The following NRG1 variants were observed in gnomAD, a reference collection of about 807,000 sequenced individuals.
The protein encoded by NRG1 is neuregulin 1, also known as pro-neuregulin-1, membrane-bound isoform.
A neutral mutation model predicts 63.8 loss-of-function variants in NRG1; 18 were observed. That is an observed-to-expected ratio of 0.28 (90% CI 0.19 to 0.42). The LOEUF (loss-of-function observed/expected upper bound fraction) is 0.42. Ranked by LOEUF, NRG1 falls within the 10% of genes least tolerant of loss-of-function variation. The pLI, the probability that NRG1 is intolerant of heterozygous loss-of-function variation, is 1.00. For synonymous variants in NRG1, 302 were observed against 301.3 expected (o/e 1.00, Z -0.02); for missense variants, 762 against 814.7 (o/e 0.94, Z 0.79).
intron 1 of NRG1, among the ~76,000 whole-genome samples, chr8:31,700,979 T>C (rs1286504191): frequency 2.0e-5 from 3 of 152,230 alleles, no homozygotes; most frequent in East Asian, 1.9e-4. Context: ...TCTTTTTCTC[T>C]GTAGCTTAGT....
chr8:32,360,500 GTTAA>G lies in NRG1; in HGVS notation c.38-235322_38-235319del, dbSNP rs558950799. 3.3e-3 allele frequency among the ~76,000 whole-genome samples: 503 copies of G among 152,294 alleles called. 5 individuals are homozygous for G. Among genetic ancestry groups the G allele is most frequent in the African/African-American group, 0.012 (482 of 41,574 alleles). On this transcript the variant is annotated intron_variant, in intron 1 of 10. Transcript: ENST00000519301. ...AAAAGTATTATAATGATAGCAGGTA[GTTAA>G]TTAATAGCATGTTCTTTTTCTGAAT...
At chr8:32,233,536 A>AATATATATATATAT (rs71541806) in intron 1 of NRG1, among the ~76,000 whole-genome samples, 67 of 88,072 alleles carry the variant, frequency 7.6e-4, no homozygotes, top group Admixed American at 1.8e-3. Flanking sequence ...AACTCGAAAG[A>AATATATATATATAT]ATATATATAT....
chr8:32,209,737 C>G (rs1264123567), intron 1 of NRG1, among the ~76,000 whole-genome samples: 8 of 128,120 alleles, frequency 6.2e-5, no homozygotes, highest in African/African-American at 2.5e-4. Flanking sequence ...TTCCTTCCTT[C>G]CTTCCTTCCT....
chr8:31,732,767 C>A (rs1814226691), intron 1 of NRG1, among the ~76,000 whole-genome samples: 1 of 151,952 alleles, frequency 6.6e-6, no homozygotes, highest in African/African-American at 2.4e-5. Context: ...TGGTGATGCG[C>A]CCCTGTAATC....
intron 1 of NRG1, among the ~76,000 whole-genome samples, chr8:31,854,985 T>C (rs1479268309): frequency 6.6e-6 from 1 of 152,244 alleles, no homozygotes; most frequent in Non-Finnish European, 1.5e-5. Flanking sequence ...GATAGTTTGT[T>C]ATAATTTCTG....
intron 1 of NRG1, among the ~76,000 whole-genome samples, chr8:32,130,607 G>T (rs915160115): frequency 1.3e-5 from 2 of 151,870 alleles, no homozygotes; most frequent in African/African-American, 4.8e-5. Context: ...TCAGATTGGT[G>T]GGCGTAGGAA....
At chr8:32,734,348 A>G (rs1824470857) in intron 6 of NRG1, among the ~76,000 whole-genome samples, 1 of 152,216 alleles carries the variant, frequency 6.6e-6, no homozygotes, top group Non-Finnish European at 1.5e-5. Context: ...TCTCATCATC[A>G]TGGCTGCAGA....
rs143314260 is a variant in NRG1, at chr8:32,405,470, T to A, written c.38-190358T>A. On this transcript the variant is annotated intron_variant, in intron 1 of 10. Coordinates refer to the NRG1 transcript ENST00000519301. ...AGAGGGGAGAAATTTATATCTGTTA[T>A]ATACATAGATGAGTAATTTGGGAAT... 5.1e-3 allele frequency among the ~76,000 whole-genome samples: 778 copies of A among 152,338 alleles called. 7 individuals carry two copies. The highest frequency in any genetic ancestry group is 0.018 in the African/African-American group (734 of 41,584).
At chr8:32,298,837 A>G (rs55985964) in intron 1 of NRG1, among the ~76,000 whole-genome samples, 10,385 of 151,396 alleles carry the variant, frequency 0.069, 496 homozygotes, top group Non-Finnish European at 0.11. Context: ...GAACATCCTG[A>G]CCAACATTGT....
chr8:32,027,941 C>T (rs930542608), intron 1 of NRG1, among the ~76,000 whole-genome samples: 1 of 152,142 alleles, frequency 6.6e-6, no homozygotes, highest in Non-Finnish European at 1.5e-5. Context: ...CTACAAATTA[C>T]AGTGGCTTAA....
At chr8:32,747,555 T>C (rs1225143682) in intron 7 of NRG1, among the ~76,000 whole-genome samples, 1 of 152,048 alleles carries the variant, frequency 6.6e-6, no homozygotes, top group Admixed American at 6.6e-5. Context: ...GTGAATATTG[T>C]GCAACCAAGT....
chr8:32,733,455 G>A (rs140429782), intron 6 of NRG1, among the ~76,000 whole-genome samples: 3,130 of 151,154 alleles, frequency 0.021, 55 homozygotes, highest in Middle Eastern at 0.031. Context: ...TTTATCAAAC[G>A]TATTTGATAA....
chr8:31,987,935 A>C (rs917183837), intron 1 of NRG1, among the ~76,000 whole-genome samples: 2 of 152,114 alleles, frequency 1.3e-5, no homozygotes, highest in African/African-American at 2.4e-5. Context: ...TTAATAAAGG[A>C]TTATGCTGTG....
intron 1 of NRG1, among the ~76,000 whole-genome samples, chr8:31,774,453 C>G (rs1818924067): frequency 6.6e-6 from 1 of 152,036 alleles, no homozygotes; most frequent in Non-Finnish European, 1.5e-5. Flanking sequence ...ATACTGCATC[C>G]CATGCCTGTA....
At chr8:32,132,766 G>C (rs557829440) in intron 1 of NRG1, among the ~76,000 whole-genome samples, 1 of 152,222 alleles carries the variant, frequency 6.6e-6, no homozygotes, top group East Asian at 1.9e-4. Context: ...CTATGCACCA[G>C]TGCACTTTCA....
At chr8:32,247,818 G>T (rs989465) in intron 1 of NRG1, among the ~76,000 whole-genome samples, 102,499 of 151,960 alleles carry the variant, frequency 0.67, 35,020 homozygotes, top group Admixed American at 0.76. Flanking sequence ...TTAAGACATG[G>T]AATCTTTGCC....
intron 5 of NRG1, among the ~76,000 whole-genome samples, chr8:32,671,867 A>G (rs1272261333): frequency 6.6e-6 from 1 of 152,180 alleles, no homozygotes; most frequent in Non-Finnish European, 1.5e-5. Context: ...GAAAATCATT[A>G]TATCCACTTT....
At chr8:32,218,652 A>G (rs973185202) in intron 1 of NRG1, among the ~76,000 whole-genome samples, 2 of 152,230 alleles carry the variant, frequency 1.3e-5, no homozygotes. Flanking sequence ...GAAATGCAGC[A>G]TCCTCATCTG....
At chr8:31,838,105 C>T (rs750743812) in intron 1 of NRG1, among the ~76,000 whole-genome samples, 3 of 151,996 alleles carry the variant, frequency 2.0e-5, no homozygotes, top group Non-Finnish European at 4.4e-5. Flanking sequence ...ATAGGAGTTC[C>T]CTTTCCTTTA....
Sources: allele counts gnomAD v4.1 joint callset (sites outside exome capture counted in the v4.1 genomes callset), GRCh38; gene constraint gnomAD v4.1.1; transcripts MANE v1.5; gene names NCBI Gene and HGNC (gene_info 2026-07-23, HGNC 2026-07-21).